The following POLH variants were observed in gnomAD, a reference collection of about 807,000 sequenced individuals.
POLH encodes DNA polymerase eta, also known as DNA polymerase eta transcript.
POLH carries 53 observed loss-of-function variants against 73.6 expected under a neutral mutation model. The ratio of observed to expected loss-of-function variants is 0.72; its 90% CI spans 0.58 to 0.91. The LOEUF (loss-of-function observed/expected upper bound fraction) is 0.91. Among genes scored for constraint, POLH ranks in the 40% least tolerant of loss-of-function variants. The pLI is 0.00. For missense variants in POLH, 768 were observed against 865.4 expected (o/e 0.89, Z 1.41); for synonymous variants, 292 against 308.5 (o/e 0.95, Z 0.56).
chr6:43,619,364 CAAAAAAAAAAAAAAAAAAAAA>C lies in POLH; in HGVS notation c.*4817_*4837del, dbSNP rs60046548. 7.8e-4 allele frequency among the ~76,000 whole-genome samples: 29 copies of C among 37,088 alleles called. No homozygotes were observed. Among genetic ancestry groups the C allele is most frequent in the African/African-American group, 1.5e-3 (25 of 17,198 alleles). The allele number at this position is 37,088 out of a possible 152,430, so 24.3% of individuals were successfully genotyped here. ...TGGGTGACAGTCTGAGACCCTGTCT[CAAAAAAAAAAAAAAAAAAAAA>C]AAAAAAAAAGACTACATTCACTGTA... On this transcript the variant is annotated 3_prime_UTR_variant, in exon 11 of 11. Coordinates refer to ENST00000372236, the MANE Select transcript of POLH (RefSeq NM_006502.3).
chr6:43,606,156 TAAAA>T lies in POLH; in HGVS notation c.1074+848_1074+851del, dbSNP rs59619375. Among the ~76,000 whole-genome samples the T allele has an allele frequency of 2.8e-5, 4 of 141,766 alleles. No individual in the cohort carries two copies. The East Asian group carries it at 8.0e-4, about 28-fold the overall frequency. 93.0% of individuals were successfully genotyped at this position (141,766 alleles called of 152,430 possible). ...ATCTATCATTTCACATACTTTTTTG[TAAAA>T]AAAAAAAAAAGTAGTTAAAATCTAC... is the stretch of plus-strand genomic sequence containing the variant. On this transcript the variant is annotated intron_variant, in intron 9 of 10. Coordinates refer to ENST00000372236, the MANE Select transcript of POLH (RefSeq NM_006502.3).
chr6:43,603,667 A>T (rs1448066858), intron 6 of POLH, among the ~76,000 whole-genome samples: 1 of 152,192 alleles, frequency 6.6e-6, no homozygotes, highest in South Asian at 2.1e-4. Flanking sequence ...AACGTTTTAT[A>T]TACAGTTTAC....
At chr6:43,605,443 C>CTT (rs540143863) in intron 9 of POLH, 124 bp downstream of exon 9, 4,135 of 289,558 alleles carry the variant, frequency 0.014, 6 homozygotes, top group East Asian at 0.025. Flanking sequence ...CGTTTTCTTT[C>CTT]TTTTTTTTTT....
chr6:43,608,666 G>A (rs1456533155), intron 9 of POLH, among the ~76,000 whole-genome samples: 1 of 152,138 alleles, frequency 6.6e-6, no homozygotes, highest in Non-Finnish European at 1.5e-5. Context: ...AGTGCTGGGA[G>A]TACAGGCATG....
At chr6:43,595,490 A>G (rs1765944797) in intron 4 of POLH, among the ~76,000 whole-genome samples, 1 of 151,882 alleles carries the variant, frequency 6.6e-6, no homozygotes, top group East Asian at 2.0e-4. Flanking sequence ...GCTCATGCCT[A>G]TAATCCCAGC....
At chr6:43,613,273 C>T (rs916099087) in intron 10 of POLH, among the ~76,000 whole-genome samples, 1 of 152,218 alleles carries the variant, frequency 6.6e-6, no homozygotes, top group East Asian at 1.9e-4. Flanking sequence ...TCTAAATATT[C>T]TAAAGCTTTT....
intron 3 of POLH, among the ~76,000 whole-genome samples, chr6:43,586,496 A>G (rs1339571821): frequency 6.6e-6 from 1 of 152,192 alleles, no homozygotes; most frequent in African/African-American, 2.4e-5. Flanking sequence ...AACAAGAAAA[A>G]AAAGAAAATA....
chr6:43,581,904 CT>C (rs1001242711), intron 1 of POLH, among the ~76,000 whole-genome samples: 8 of 151,716 alleles, frequency 5.3e-5, no homozygotes, highest in Admixed American at 4.6e-4. Flanking sequence ...GCGACCTCCT[CT>C]CAAGATCGAG....
intron 10 of POLH, among the ~76,000 whole-genome samples, chr6:43,611,274 C>G (rs889174814): frequency 6.6e-6 from 1 of 152,190 alleles, no homozygotes; most frequent in African/African-American, 2.4e-5. Flanking sequence ...ACTTGGAGAA[C>G]AGAGCTCAAA....
intron 4 of POLH, among the ~76,000 whole-genome samples, chr6:43,592,059 T>C (rs1381042538): frequency 6.6e-6 from 1 of 152,176 alleles, no homozygotes; most frequent in African/African-American, 2.4e-5. Flanking sequence ...CTTGTGTCTG[T>C]TGCATTAGTG....
chr6:43,578,943 T>C (rs1158931542), intron 1 of POLH, among the ~76,000 whole-genome samples: 1 of 152,208 alleles, frequency 6.6e-6, no homozygotes, highest in Non-Finnish European at 1.5e-5. Context: ...TTGTATTTTG[T>C]GGTTAGTTCT....
chr6:43,613,637 T>A (rs1057139868), intron 10 of POLH, 23 bp from the exon 11 acceptor site: 1 of 1,593,656 alleles, frequency 6.3e-7, no homozygotes, highest in African/African-American at 1.3e-5. Flanking sequence ...GCTAATCATC[T>A]TATTTCTTTA....
chr6:43,587,363 A>C lies in POLH; in HGVS notation c.364A>C (p.Thr122Pro), dbSNP rs1561900151. 1.4e-5 allele frequency: 22 copies of C among 1,614,106 alleles called. No homozygotes were observed. The highest frequency in any genetic ancestry group is 1.9e-5 in the Non-Finnish European group (22 of 1,179,912). ...CATTGATGAGGCTTACGTAGATCTG[A>C]CCAGTGCTGTACAAGAGAGACTACA... ...ASIDEAYVDL[T>P]SAVQERLQKL... The change falls in exon 4 of 11, where the codon ACC (threonine) becomes CCC (proline). Residue 122 changes from threonine (T) to proline (P), a missense_variant. Transcript: ENST00000372236.
In POLH at chr6:43,604,829, A is replaced by T. The variant is rs985267394; in HGVS notation, c.1008+91A>T. ...TGTGGAAGGTTTAATAGGTTAGAGG[A>T]GACCTTTATAAAGTATGAAGAAAAC... On this transcript the variant is annotated intron_variant, in intron 8 of 10. Coordinates refer to ENST00000372236, the MANE Select transcript of POLH (RefSeq NM_006502.3). 2.7e-5 allele frequency: 36 copies of T among 1,316,708 alleles called. No individual in the cohort carries two copies. In the African/African-American group the frequency reaches 4.6e-4, roughly 17 times the overall value. The allele number at this position is 1,316,708 out of a possible 1,614,324, so 81.6% of individuals were successfully genotyped here. A position where few individuals can be genotyped will look rare whatever the true frequency, so the allele number is the denominator to read the frequency against.
At chr6:43,595,288 G>A (rs958308959) in intron 4 of POLH, among the ~76,000 whole-genome samples, 6 of 151,634 alleles carry the variant, frequency 4.0e-5, no homozygotes, top group Non-Finnish European at 1.5e-5. Flanking sequence ...GCACCACCAC[G>A]CCTGGCTAAT....
chr6:43,586,812 T>C (rs899494717), intron 3 of POLH, among the ~76,000 whole-genome samples: 12 of 152,208 alleles, frequency 7.9e-5, no homozygotes, highest in African/African-American at 2.7e-4. Flanking sequence ...AGAAATACTA[T>C]CCTGGGGAAG....
intron 9 of POLH, among the ~76,000 whole-genome samples, chr6:43,608,092 T>C (rs975694062): frequency 6.6e-6 from 1 of 152,082 alleles, no homozygotes; most frequent in African/African-American, 2.4e-5. Context: ...ATTGCGCCAT[T>C]GCACTCCAGC....
Position 43,618,444 on chromosome 6 carries a change from G to A in POLH, c.*3887G>A, listed in dbSNP as rs569838680. 6.6e-6 allele frequency among the ~76,000 whole-genome samples: 1 copy of A among 151,954 alleles called. No individual in the cohort carries two copies. Among genetic ancestry groups the A allele is most frequent in the Non-Finnish European group, 1.5e-5 (1 of 67,984 alleles). On this transcript the variant is annotated 3_prime_UTR_variant, in exon 11 of 11. Coordinates refer to ENST00000372236, the MANE Select transcript of POLH (RefSeq NM_006502.3). ...TGGGATTATAGGCATGAGCCACCAC[G>A]CCCAGCCTATAGTACTGTATTCTTA...
rs1176279382 is a variant in POLH at position 43,604,743 on chromosome 6, G to A, written c.1008+5G>A. ...GCTCTTGCTACTCGGGAACAGGTAA[G>A]CTGGCATTCTTGACAGAACACTACC... On this transcript the variant is annotated splice_donor_5th_base_variant and intron_variant, in intron 8 of 10. Transcript: ENST00000372236. The A allele has an allele frequency of 6.2e-7, 1 of 1,614,068 alleles. No individual in the cohort carries two copies. Among genetic ancestry groups the A allele is most frequent in the Non-Finnish European group, 8.5e-7 (1 of 1,179,982 alleles).
Sources: allele counts gnomAD v4.1 joint callset (sites outside exome capture counted in the v4.1 genomes callset), GRCh38; gene constraint gnomAD v4.1.1; transcripts MANE v1.5; gene names NCBI Gene and HGNC (gene_info 2026-07-23, HGNC 2026-07-21).